SLC24A3: variants seen among roughly 807,000 people sequenced by gnomAD.
The protein encoded by SLC24A3 is sodium/potassium/calcium exchanger 3.
Under a neutral mutation model 75.8 loss-of-function variants are expected in SLC24A3, and 28 were observed. The ratio of observed to expected loss-of-function variants is 0.37; its 90% CI spans 0.27 to 0.51. The LOEUF is 0.51. SLC24A3 is among the 20% of genes least tolerant of loss of function. The pLI is 0.94. For synonymous variants in SLC24A3, 372 were observed against 334.1 expected (o/e 1.11, Z -1.24); for missense variants, 663 against 847.8 (o/e 0.78, Z 2.71).
At chr20:19,669,575 G>A (rs767878140) in intron 8 of SLC24A3, among the ~76,000 whole-genome samples, 7 of 152,118 alleles carry the variant, frequency 4.6e-5, no homozygotes, top group East Asian at 1.9e-4. Context: ...GAGCATTCCC[G>A]TGTTGTTGCC....
At chr20:19,564,408 C>T (rs2182329) in intron 3 of SLC24A3, among the ~76,000 whole-genome samples, 3 of 152,278 alleles carry the variant, frequency 2.0e-5, no homozygotes, top group East Asian at 3.9e-4. Flanking sequence ...TCTTTGTCAT[C>T]GTGATCACCA....
At chr20:19,266,034 G>A (rs970698156) in intron 1 of SLC24A3, 4 of 152,660 alleles carry the variant, frequency 2.6e-5, no homozygotes, top group African/African-American at 9.7e-5. Flanking sequence ...TCTAACCAAG[G>A]GAGAGGGGAT....
chr20:19,277,853 T>C (rs1983532044), intron 1 of SLC24A3, among the ~76,000 whole-genome samples: 1 of 152,256 alleles, frequency 6.6e-6, no homozygotes, highest in Non-Finnish European at 1.5e-5. Flanking sequence ...TGGAAGTCAT[T>C]GGAAGGGATA....
chr20:19,550,970 A>G (rs539102270), intron 3 of SLC24A3, among the ~76,000 whole-genome samples: 33 of 152,254 alleles, frequency 2.2e-4, no homozygotes, highest in Non-Finnish European at 4.1e-4. Flanking sequence ...TGAGAACGTA[A>G]GGCACGGGCC....
chr20:19,506,802 G>A (rs1219213186), intron 2 of SLC24A3, among the ~76,000 whole-genome samples: 1 of 152,102 alleles, frequency 6.6e-6, no homozygotes, highest in Non-Finnish European at 1.5e-5. Flanking sequence ...ATTGAGTATG[G>A]TATCCAGCAG....
intron 2 of SLC24A3, among the ~76,000 whole-genome samples, chr20:19,475,011 A>T (rs1987938799): frequency 6.6e-6 from 1 of 152,174 alleles, no homozygotes; most frequent in Non-Finnish European, 1.5e-5. Flanking sequence ...ACAGTTCACA[A>T]TAGAGGTGAC....
At chr20:19,515,687 G>A (rs2029974184) in intron 3 of SLC24A3, 123 bp downstream of exon 3, 6 of 934,228 alleles carry the variant, frequency 6.4e-6, no homozygotes, top group Admixed American at 4.4e-5. Context: ...CTGCCTGGTG[G>A]GGGTCCTTCG....
chr20:19,269,558 A>C lies in SLC24A3; in HGVS notation c.143-11401A>C, dbSNP rs188007022. On this transcript the variant is annotated intron_variant, in intron 1 of 16. Coordinates refer to ENST00000328041, the MANE Select transcript of SLC24A3 (RefSeq NM_020689.4). Reference sequence around the variant, plus strand: ...TTAAATTGTGGGTGCACCTGTTGCCATCTGCCCCCCTTTGCTCTTCCCTTT... The same window carrying C: ...TTAAATTGTGGGTGCACCTGTTGCCCTCTGCCCCCCTTTGCTCTTCCCTTT... Among the ~76,000 whole-genome samples, 19 of 152,362 alleles carry C rather than the reference A, an allele frequency of 1.2e-4. 1 individual carries two copies. Among genetic ancestry groups the C allele is most frequent in the Non-Finnish European group, 1.9e-4 (13 of 68,032 alleles).
intron 1 of SLC24A3, among the ~76,000 whole-genome samples, chr20:19,225,956 G>A (rs941775728): frequency 2.0e-5 from 3 of 152,118 alleles, no homozygotes; most frequent in African/African-American, 7.2e-5. Context: ...AAGACTTTTA[G>A]TACAATATTG....
chr20:19,687,504 C>G (rs1039352464), intron 12 of SLC24A3, among the ~76,000 whole-genome samples: 1 of 152,216 alleles, frequency 6.6e-6, no homozygotes, highest in South Asian at 2.1e-4. Context: ...TACTCAACCC[C>G]TGTTTTCAGA....
rs190975677 is a variant in SLC24A3, at chr20:19,346,988, C to T, written c.271+65901C>T. 1.8e-4 allele frequency among the ~76,000 whole-genome samples: 28 copies of T among 152,172 alleles called. 1 individual carries two copies. Among genetic ancestry groups the T allele is most frequent in the Non-Finnish European group, 2.6e-4 (18 of 68,008 alleles). On this transcript the variant is annotated intron_variant, in intron 2 of 16. Transcript: ENST00000328041. Reference sequence around the variant, plus strand: ...CAACCAAGATGTGCTTCAACAGATACATAAATAAACTATGGTACAGACATA... The same window carrying T: ...CAACCAAGATGTGCTTCAACAGATATATAAATAAACTATGGTACAGACATA...
rs889799946 is a variant in SLC24A3 at position 19,413,008 on chromosome 20, C to T, written c.272-102480C>T. ...CCAACTGGTGGTTGCTATCATAATGCGTCATCTTGGCATGAATGCTCTAAT... is the reference window on the plus strand; with the variant it reads ...CCAACTGGTGGTTGCTATCATAATGTGTCATCTTGGCATGAATGCTCTAAT... On this transcript the variant is annotated intron_variant, in intron 2 of 16. Coordinates refer to ENST00000328041, the MANE Select transcript of SLC24A3 (RefSeq NM_020689.4). Among the ~76,000 whole-genome samples, 10 of 152,280 alleles carry T rather than the reference C, an allele frequency of 6.6e-5. No homozygotes were observed. The South Asian group carries it at 1.2e-3, about 19-fold the overall frequency.
chr20:19,622,799 A>G (rs1460299206), intron 6 of SLC24A3, among the ~76,000 whole-genome samples: 1 of 152,204 alleles, frequency 6.6e-6, no homozygotes, highest in East Asian at 1.9e-4. Flanking sequence ...TGCAGGCTAT[A>G]CAAGAAGCAT....
rs557589169 is a variant in SLC24A3 at position 19,302,922 on chromosome 20, T to A, written c.271+21835T>A. The stretch of plus-strand genomic sequence containing the variant: ...ACCCTAAGTTTTCAAGCAAGGAAAC[T>A]TAGAGTCATCAGTTAAATGACCCAT... On this transcript the variant is annotated intron_variant, in intron 2 of 16. Coordinates refer to ENST00000328041, the MANE Select transcript of SLC24A3 (RefSeq NM_020689.4). Among the ~76,000 whole-genome samples, 12 of 152,324 alleles carry A rather than the reference T, an allele frequency of 7.9e-5. 1 individual carries two copies. Among genetic ancestry groups the A allele is most frequent in the African/African-American group, 2.9e-4 (12 of 41,576 alleles).
intron 1 of SLC24A3, among the ~76,000 whole-genome samples, chr20:19,274,292 A>G (rs1003541119): frequency 2.0e-5 from 3 of 152,048 alleles, no homozygotes; most frequent in Non-Finnish European, 4.4e-5. Context: ...GAAACAGCTC[A>G]TGGAAGACAA....
chr20:19,424,745 C>CAAA lies in SLC24A3; in HGVS notation c.272-90719_272-90717dup, dbSNP rs528342351. Among the ~76,000 whole-genome samples, 151 of 49,122 alleles carry CAAA rather than the reference C, an allele frequency of 3.1e-3. 7 individuals are homozygous for CAAA. Among genetic ancestry groups the CAAA allele is most frequent in the Middle Eastern group, 0.024 (1 of 42 alleles). 32.2% of individuals were successfully genotyped at this position (49,122 alleles called of 152,430 possible). ...CCCTTTCTCAAAAAAAAAACAACAA[C>CAAA]AAAAAAAAAAAAAAAAAAAAAAAAA... On this transcript the variant is annotated intron_variant, in intron 2 of 16. Coordinates refer to ENST00000328041, the MANE Select transcript of SLC24A3 (RefSeq NM_020689.4).
chr20:19,715,318 G>A (rs185450719), intron 15 of SLC24A3, among the ~76,000 whole-genome samples: 103 of 152,304 alleles, frequency 6.8e-4, no homozygotes, highest in African/African-American at 1.9e-3. Flanking sequence ...AAGTCTATCC[G>A]CAGTCAGGTT....
intron 1 of SLC24A3, among the ~76,000 whole-genome samples, chr20:19,274,601 G>A (rs1452039977): frequency 2.0e-5 from 3 of 151,428 alleles, no homozygotes; most frequent in Admixed American, 2.0e-4. Flanking sequence ...AAAAGCACAG[G>A]GAAGCTCTTG....
At chr20:19,340,230 G>A (rs1985238584) in intron 2 of SLC24A3, among the ~76,000 whole-genome samples, 1 of 152,150 alleles carries the variant, frequency 6.6e-6, no homozygotes, top group South Asian at 2.1e-4. Flanking sequence ...TGATAAAAAG[G>A]GGACATATGA....
Sources: allele counts gnomAD v4.1 joint callset (sites outside exome capture counted in the v4.1 genomes callset), GRCh38; gene constraint gnomAD v4.1.1; transcripts MANE v1.5; gene names NCBI Gene and HGNC (gene_info 2026-07-23, HGNC 2026-07-21).